STAU1: variants seen among roughly 807,000 people sequenced by gnomAD.
The protein encoded by STAU1 is staufen double-stranded RNA binding protein 1, also known as double-stranded RNA-binding protein Staufen homolog 1.
Under a neutral mutation model 62.9 loss-of-function variants are expected in STAU1, and 13 were observed. The ratio of observed to expected loss-of-function variants is 0.21; its 90% CI spans 0.13 to 0.33. STAU1 has a LOEUF of 0.33. Ranked by LOEUF, STAU1 falls within the 10% of genes least tolerant of loss-of-function variation. The pLI, the probability that STAU1 is intolerant of heterozygous loss-of-function variation, is 1.00. For synonymous variants in STAU1, 269 were observed against 265.1 expected, an observed-to-expected ratio of 1.01 and a Z score of -0.14; for missense variants, 571 against 712.1, an observed-to-expected ratio of 0.80 and a Z score of 2.25.
At chr20:49,128,139 A>G (rs1171852885) in intron 6 of STAU1, among the ~76,000 whole-genome samples, 3 of 150,548 alleles carry the variant, frequency 2.0e-5, no homozygotes, top group Non-Finnish European at 4.4e-5. Flanking sequence ...ACAAGAGCGA[A>G]ACTCTGTCTC....
chr20:49,148,546 C>T (rs1334140639), intron 5 of STAU1, among the ~76,000 whole-genome samples: 1 of 152,232 alleles, frequency 6.6e-6, no homozygotes, highest in Non-Finnish European at 1.5e-5. Flanking sequence ...AATGACTCTT[C>T]ACTTCACTGG....
At chr20:49,142,188 G>C (rs1157596317) in intron 5 of STAU1, among the ~76,000 whole-genome samples, 4 of 152,142 alleles carry the variant, frequency 2.6e-5, no homozygotes, top group Non-Finnish European at 5.9e-5. Context: ...CTGGGTTCCA[G>C]TGATTCTCCT....
chr20:49,185,636 G>A (rs1250728040), intron 1 of STAU1, among the ~76,000 whole-genome samples: 2 of 152,176 alleles, frequency 1.3e-5, no homozygotes, highest in Admixed American at 6.5e-5. Context: ...TCTAGTTTGT[G>A]TGGGGGGATA....
At position 49,115,834 on chromosome 20, in the gene STAU1, A is replaced by C; in HGVS notation, c.1666T>G (p.Leu556Val). 1 of 1,614,064 alleles carries C rather than the reference A, an allele frequency of 6.2e-7. No individual in the cohort carries two copies. Among genetic ancestry groups the C allele is most frequent in the Admixed American group, 1.7e-5 (1 of 60,014 alleles). ...ALNILKLLSE[L>V]DQQSTEMPRT... ...GGCATCTCTGTACTTTGTTGGTCCA[A>C]CTCAGACAGCAACTTTAAGATGTTC... Residue 556 changes from leucine to valine, a missense_variant, in exon 13 of 14, where the codon TTG becomes GTG. By Grantham distance (32) the Leu-to-Val change is conservative (BLOSUM62 1). Around this residue, in one of 3 missense-constraint regions of STAU1, gnomAD observed 156 missense variants for 194.7 expected, o/e 0.80. Transcript: ENST00000371856.
At position 49,119,754 on chromosome 20, in the gene STAU1, A is replaced by G. The variant is rs559338611; in HGVS notation, c.1113+228T>C. Among the ~76,000 whole-genome samples, 6 of 152,308 alleles carry G rather than the reference A, an allele frequency of 3.9e-5. No individual in the cohort carries two copies. The East Asian group carries it at 9.6e-4, about 24-fold the overall frequency. ...CCTCCACAAAGCGTCCCCAGACCAC[A>G]AAGATACTGACACAATCAACGATCT... On this transcript the variant is annotated intron_variant, in intron 9 of 13. Transcript: ENST00000371856.
At chr20:49,207,818 C>G in the STAU1 span, among the ~76,000 whole-genome samples, 2 of 152,174 alleles carry the variant, frequency 1.3e-5, no homozygotes, top group Non-Finnish European at 2.9e-5. Flanking sequence ...CCACGCCCGG[C>G]TCCAAATGGG....
chr20:49,147,077 C>G (rs914546141), intron 5 of STAU1, among the ~76,000 whole-genome samples: 5 of 152,228 alleles, frequency 3.3e-5, no homozygotes, highest in Non-Finnish European at 2.9e-5. Flanking sequence ...TCTGGGCATA[C>G]ACTGTCCCTG....
chr20:49,202,285 G>A, the STAU1 span, among the ~76,000 whole-genome samples: 14 of 146,674 alleles, frequency 9.5e-5, no homozygotes, highest in East Asian at 3.9e-4. Context: ...CTGGGACACC[G>A]GGCGTGATGG....
intron 3 of STAU1, among the ~76,000 whole-genome samples, chr20:49,155,870 G>A (rs1246756060): frequency 6.6e-6 from 1 of 152,186 alleles, no homozygotes; most frequent in Non-Finnish European, 1.5e-5. Flanking sequence ...CAAGAAAGAT[G>A]TGACTGGTAA....
chr20:49,204,640 ATATATATTTTTTT>A, the STAU1 span, among the ~76,000 whole-genome samples: 162 of 53,512 alleles, frequency 3.0e-3, no homozygotes, highest in African/African-American at 0.014. Context: ...ATATATATAT[ATATATATTTTTTT>A]TTTTTTTTTT....
At chr20:49,139,497 G>A (rs1233547736) in intron 5 of STAU1, among the ~76,000 whole-genome samples, 3 of 152,186 alleles carry the variant, frequency 2.0e-5, no homozygotes, top group African/African-American at 7.2e-5. Context: ...GGCCGAAGCA[G>A]GTGGGTCACC....
At chr20:49,153,552 C>CAA (rs35209552) in intron 4 of STAU1, among the ~76,000 whole-genome samples, 370 of 146,144 alleles carry the variant, frequency 2.5e-3, no homozygotes, top group Non-Finnish European at 4.2e-3. Context: ...CTAAAAAATA[C>CAA]AAAAAAAAAT....
chr20:49,155,998 C>CA (rs1228798886), intron 3 of STAU1, among the ~76,000 whole-genome samples: 1 of 152,192 alleles, frequency 6.6e-6, no homozygotes, highest in Non-Finnish European at 1.5e-5. Context: ...CAACCCTTCA[C>CA]CAGCCATGCC....
the STAU1 span, among the ~76,000 whole-genome samples, chr20:49,201,883 A>G: frequency 6.6e-6 from 1 of 152,074 alleles, no homozygotes; most frequent in Non-Finnish European, 1.5e-5. Context: ...TGTTTATATT[A>G]GAAAATAAGA....
At chr20:49,204,637 TATATATATA>T in the STAU1 span, among the ~76,000 whole-genome samples, 14 of 61,542 alleles carry the variant, frequency 2.3e-4, no homozygotes, top group Non-Finnish European at 3.2e-4. Flanking sequence ...TATATATATA[TATATATATA>T]TTTTTTTTTT....
intron 1 of STAU1, among the ~76,000 whole-genome samples, chr20:49,183,206 A>C (rs2093747658): frequency 6.6e-6 from 1 of 152,370 alleles, no homozygotes; most frequent in Non-Finnish European, 1.5e-5. Flanking sequence ...AGTGTGAAAC[A>C]AATCTGTCAT....
intron 9 of STAU1, among the ~76,000 whole-genome samples, chr20:49,119,038 C>G (rs753339770): frequency 2.4e-4 from 36 of 152,208 alleles, no homozygotes; most frequent in Non-Finnish European, 1.5e-4. Flanking sequence ...GATGCTGTTT[C>G]TGTCAATATG....
At chr20:49,169,075 C>T (rs1443340114) in intron 2 of STAU1, among the ~76,000 whole-genome samples, 6 of 151,740 alleles carry the variant, frequency 4.0e-5, no homozygotes, top group Non-Finnish European at 7.4e-5. Context: ...CTTAGTCTCC[C>T]GAGTACTTAG....
At chr20:49,126,574 C>G (rs77034650) in intron 6 of STAU1, among the ~76,000 whole-genome samples, 1 of 25,040 alleles carries the variant, frequency 4.0e-5, no homozygotes, top group Non-Finnish European at 8.1e-5. Context: ...TCTCAAAAAG[C>G]AAAAAAAAAA....
Sources: allele counts gnomAD v4.1 joint callset (sites outside exome capture counted in the v4.1 genomes callset), GRCh38; gene constraint gnomAD v4.1.1; regional missense constraint gnomAD v4.1.1; transcripts MANE v1.5; gene names NCBI Gene and HGNC (gene_info 2026-07-23, HGNC 2026-07-21).